Variants in LAMA1 observed in about 807,000 individuals in gnomAD.
LAMA1 encodes the protein laminin subunit alpha-1.
A neutral mutation model predicts 348.7 loss-of-function variants in LAMA1; 219 were observed. The observed-to-expected ratio is 0.63, with a 90% CI of 0.56 to 0.70. The LOEUF is 0.70. Ranked by LOEUF, LAMA1 falls within the 30% of genes least tolerant of loss-of-function variation. The pLI, the probability that LAMA1 is intolerant of heterozygous loss-of-function variation, is 0.00. For synonymous variants in LAMA1, 1,487 were observed against 1,491.0 expected, an observed-to-expected ratio of 1.00 and a Z score of 0.06; for missense variants, 3,744 against 3,888.0, an observed-to-expected ratio of 0.96 and a Z score of 0.99.
Position 6,985,276 on chromosome 18 carries a change from T to C in LAMA1, c.5621A>G (p.His1874Arg). Residue 1874 changes from histidine (H) to arginine (R), a missense_variant, in exon 39 of 63, where the codon CAT becomes CGT. This residue lies in a region of LAMA1 where 1,983 missense variants were observed against 1,934.3 expected (regional missense o/e 1.03). Transcript: ENST00000389658. ...TGCTAGTCTCTGGAACTCAGCGGCA[T>C]GGTCCTCAGCTCTGTAGACCAGGTC... ...AVDLVYRAEDHAAEFQRLADV... is the reference protein window; with the variant it reads ...AVDLVYRAEDRAAEFQRLADV... The C allele has an allele frequency of 6.2e-7, 1 of 1,614,236 alleles. No homozygotes were observed. Among genetic ancestry groups the C allele is most frequent in the South Asian group, 1.1e-5 (1 of 91,086 alleles).
At chr18:7,087,534 G>A (rs551615043) in intron 1 of LAMA1, among the ~76,000 whole-genome samples, 25 of 152,290 alleles carry the variant, frequency 1.6e-4, no homozygotes, top group African/African-American at 5.3e-4. Flanking sequence ...TACATCATGC[G>A]GAATTATTTC....
chr18:6,967,090 A>C (rs633691), intron 48 of LAMA1, among the ~76,000 whole-genome samples: 105,720 of 152,050 alleles, frequency 0.7, 37,567 homozygotes, highest in African/African-American at 0.84. Context: ...GTGTAACAAC[A>C]AAACTCAGTG....
At chr18:7,117,580 A>C in intron 1 of LAMA1, 80 bp downstream of exon 1, 1 of 1,466,482 alleles carries the variant, frequency 6.8e-7, no homozygotes, top group Non-Finnish European at 9.2e-7. Context: ...AGCAGCCCCA[A>C]CGCGACGGGC....
chr18:6,974,855 G>A (rs1348791987), intron 46 of LAMA1, 48 bp downstream of exon 46: 1 of 1,609,952 alleles, frequency 6.2e-7, no homozygotes, highest in Non-Finnish European at 8.5e-7. Context: ...TTACTTATGA[G>A]ACACACTTTA....
intron 3 of LAMA1, among the ~76,000 whole-genome samples, chr18:7,055,084 C>T (rs773094657): frequency 6.6e-6 from 1 of 151,754 alleles, no homozygotes; most frequent in Non-Finnish European, 1.5e-5. Flanking sequence ...AGTTGGCACT[C>T]CCAACCCTCA....
intron 1 of LAMA1, among the ~76,000 whole-genome samples, chr18:7,105,682 T>A (rs147749691): frequency 3.9e-4 from 59 of 152,276 alleles, no homozygotes; most frequent in African/African-American, 1.2e-3. Flanking sequence ...CACAGAATAA[T>A]GCCTGAATAT....
At chr18:7,017,723 T>C (rs751266382) in intron 19 of LAMA1, among the ~76,000 whole-genome samples, 1 of 152,186 alleles carries the variant, frequency 6.6e-6, no homozygotes, top group Non-Finnish European at 1.5e-5. Context: ...AAAATCAACT[T>C]AGCCATTTGC....
intron 1 of LAMA1, among the ~76,000 whole-genome samples, chr18:7,084,052 AAC>A (rs1362620780): frequency 7.2e-6 from 1 of 139,776 alleles, no homozygotes; most frequent in African/African-American, 2.8e-5. Context: ...CAGCCTGGGC[AAC>A]AGAGTGAGAT....
chr18:7,085,706 C>CCA (rs1232913554), intron 1 of LAMA1, among the ~76,000 whole-genome samples: 1 of 152,122 alleles, frequency 6.6e-6, no homozygotes, highest in Non-Finnish European at 1.5e-5. Flanking sequence ...GCGTGAGCCA[C>CCA]CGCTCCTGGC....
At chr18:6,972,471 A>C (rs1568012990) in intron 47 of LAMA1, among the ~76,000 whole-genome samples, 1 of 152,206 alleles carries the variant, frequency 6.6e-6, no homozygotes, top group East Asian at 1.9e-4. Context: ...ACTTTACAGA[A>C]ATTAACGTGG....
chr18:7,058,213 C>T (rs935227892), intron 3 of LAMA1, among the ~76,000 whole-genome samples: 1 of 152,092 alleles, frequency 6.6e-6, no homozygotes, highest in African/African-American at 2.4e-5. Context: ...GAAGAACAGC[C>T]GTAGTGAAAA....
intron 51 of LAMA1, among the ~76,000 whole-genome samples, chr18:6,962,946 C>G (rs2057615070): frequency 6.6e-6 from 1 of 152,094 alleles, no homozygotes; most frequent in African/African-American, 2.4e-5. Flanking sequence ...TAATGTAGTC[C>G]AGCTCTAATT....
At position 6,961,748 on chromosome 18, in the gene LAMA1, A is replaced by G. The variant is rs1190801842; in HGVS notation, c.7464T>C (p.Ser2488=). Residue 2488 remains serine (S), a synonymous_variant, in exon 53 of 63, where the codon AGT becomes AGC. Transcript: ENST00000389658. ...TGTAGCCGCCTTTCAGGAAGCTAAC[A>G]CTCCGGATGGGCTGGACACAGAGGA... ...RKGCLLEPIR[S]VSFLKGGYIE... The G allele has an allele frequency of 6.2e-7, 1 of 1,614,026 alleles. No homozygotes were observed. Among genetic ancestry groups the G allele is most frequent in the Non-Finnish European group, 8.5e-7 (1 of 1,180,014 alleles).
In LAMA1 at chr18:7,056,706, C is replaced by T. The variant is rs568292972; in HGVS notation, c.346-5770G>A. Among the ~76,000 whole-genome samples the T allele has an allele frequency of 9.9e-4, 150 of 152,038 alleles. 1 individual carries two copies. Among genetic ancestry groups the T allele is most frequent in the Non-Finnish European group, 7.1e-4 (48 of 68,006 alleles). On this transcript the variant is annotated intron_variant, in intron 3 of 62. Transcript: ENST00000389658. Reference sequence around the variant, plus strand: ...AAGATTCCTACATTCACCTGGAGACCGGGTTCATATGTTAAGCATAGTGGC... The same window carrying T: ...AAGATTCCTACATTCACCTGGAGACTGGGTTCATATGTTAAGCATAGTGGC...
chr18:6,983,128 C>T lies in LAMA1; in HGVS notation c.5767G>A (p.Ala1923Thr). The change falls in exon 40 of 63, where the codon GCT becomes ACT. Residue 1923 changes from alanine to threonine, a missense_variant. This residue lies in a region of LAMA1 where 1,983 missense variants were observed against 1,934.3 expected (regional missense o/e 1.03). Coordinates refer to ENST00000389658, the MANE Select transcript of LAMA1 (RefSeq NM_005559.4). The stretch of plus-strand genomic sequence containing the variant: ...CTCGTCTCAGTCACAGTCCTGTGAG[C>T]ATCTCTGGCCAGTTCCTCCGATTCT... ...IEESEELARD[A>T]HRTVTETSLL... 6.2e-7 allele frequency: 1 copy of T among 1,614,118 alleles called. No homozygotes were observed. Among genetic ancestry groups the T allele is most frequent in the Non-Finnish European group, 8.5e-7 (1 of 1,180,020 alleles).
At chr18:6,980,076 T>G (rs1168724308) in intron 42 of LAMA1, among the ~76,000 whole-genome samples, 1 of 152,204 alleles carries the variant, frequency 6.6e-6, no homozygotes, top group South Asian at 2.1e-4. Context: ...AAGTGATCAG[T>G]GAGCCTAATG....
At chr18:7,054,676 C>T (rs2058074586) in intron 3 of LAMA1, among the ~76,000 whole-genome samples, 1 of 152,092 alleles carries the variant, frequency 6.6e-6, no homozygotes, top group South Asian at 2.1e-4. Context: ...GTTTAAACTA[C>T]ATAGGTCCAC....
At chr18:6,961,509 G>C (rs1473565047) in intron 53 of LAMA1, 77 bp downstream of exon 53, 1 of 1,526,082 alleles carries the variant, frequency 6.6e-7, no homozygotes, top group Non-Finnish European at 9.0e-7. Flanking sequence ...AAATGTTTAT[G>C]AGTCAGTCAT....
chr18:6,988,286 G>A lies in LAMA1; in HGVS notation c.5169-1939C>T, dbSNP rs536527897. Among the ~76,000 whole-genome samples, 11 of 152,302 alleles carry A rather than the reference G, an allele frequency of 7.2e-5. No individual in the cohort carries two copies. The South Asian group carries it at 2.3e-3, about 32-fold the overall frequency. Reference sequence around the variant, plus strand: ...TTAGCTTCTTCTAGCAAAATTAACAGAGGAAACTGGTGTTTCTCAAACTAT... The same window carrying A: ...TTAGCTTCTTCTAGCAAAATTAACAAAGGAAACTGGTGTTTCTCAAACTAT... On this transcript the variant is annotated intron_variant, in intron 36 of 62. Transcript: ENST00000389658.
Sources: gnomAD v4.1 joint callset for allele counts (sites outside exome capture counted in the v4.1 genomes callset) on GRCh38, gnomAD v4.1.1 for gene constraint, gnomAD v4.1.1 regional missense constraint, MANE v1.5 for transcripts, NCBI Gene and HGNC (gene_info 2026-07-23, HGNC 2026-07-21) for gene names.